The following ACAD11 variants were observed in gnomAD, a reference collection of about 807,000 sequenced individuals.
ACAD11 encodes acyl-CoA dehydrogenase family member 11.
ACAD11 carries 83 observed loss-of-function variants against 102.2 expected under a neutral mutation model. The ratio of observed to expected loss-of-function variants is 0.81; its 90% CI spans 0.68 to 0.97. The LOEUF is 0.97. Ranked by LOEUF, ACAD11 falls within the 50% of genes least tolerant of loss-of-function variation. The pLI, the probability that ACAD11 is intolerant of heterozygous loss-of-function variation, is 0.00. For synonymous variants in ACAD11, 324 were observed against 319.8 expected (o/e 1.01, Z -0.14); for missense variants, 901 against 951.7 (o/e 0.95, Z 0.70).
intron 3 of ACAD11, among the ~76,000 whole-genome samples, chr3:132,642,432 C>T (rs1251071481): frequency 6.6e-6 from 1 of 152,184 alleles, no homozygotes; most frequent in East Asian, 1.9e-4. Flanking sequence ...TCTTTACTGA[C>T]ACCTAGAGGA....
intron 7 of ACAD11, 112 bp downstream of exon 7, chr3:132,630,325 G>C: frequency 8.4e-7 from 1 of 1,185,434 alleles, no homozygotes; most frequent in Non-Finnish European, 1.1e-6. Context: ...CTGTCATTAT[G>C]ATAAGCCAAA....
At chr3:132,640,294 T>C (rs1350353480) in intron 4 of ACAD11, among the ~76,000 whole-genome samples, 4 of 152,142 alleles carry the variant, frequency 2.6e-5, no homozygotes, top group African/African-American at 2.4e-5. Flanking sequence ...TTCACCATAT[T>C]GGTCAAGCTG....
rs114542537 is a variant in ACAD11, at chr3:132,591,679, C to G, written c.1621+11550G>C. ...CTGAAGTGGCAGGATCGCTTGAGCT[C>G]AAGAGTTTGAAACCAGCCCGGGCAA... On this transcript the variant is annotated intron_variant, in intron 13 of 19. Transcript: ENST00000264990. Among the ~76,000 whole-genome samples, 934 of 152,162 alleles carry G rather than the reference C, an allele frequency of 6.1e-3. 13 individuals carry two copies. The highest frequency in any genetic ancestry group is 0.022 in the African/African-American group (902 of 41,508).
chr3:132,561,460 A>G, intron 17 of ACAD11: 2 of 477,048 alleles, frequency 4.2e-6, no homozygotes, highest in Non-Finnish European at 3.9e-6. Flanking sequence ...ATTTTCCCAG[A>G]AAAATCATTT....
At chr3:132,639,702 G>A (rs1417449671) in intron 4 of ACAD11, 46 bp from the exon 5 acceptor site, 1 of 1,549,790 alleles carries the variant, frequency 6.5e-7, no homozygotes, top group Non-Finnish European at 8.8e-7. Flanking sequence ...AAACTGGAAT[G>A]TAGGATCTAG....
Position 132,626,193 on chromosome 3 carries a change from A to T in ACAD11, c.1197+498T>A, listed in dbSNP as rs78299243. ...ATCAAGTACCCAATAATTATTTGGT[A>T]ACTGAATGAATGAATGTTCCATATT... On this transcript the variant is annotated intron_variant, in intron 9 of 19. Coordinates refer to ENST00000264990, the MANE Select transcript of ACAD11 (RefSeq NM_032169.5). Among the ~76,000 whole-genome samples, 1,342 of 152,304 alleles carry T rather than the reference A, an allele frequency of 8.8e-3. 17 individuals carry two copies. The highest frequency in any genetic ancestry group is 0.031 in the African/African-American group (1,290 of 41,554).
intron 5 of ACAD11, among the ~76,000 whole-genome samples, chr3:132,634,619 C>T (rs1178411415): frequency 5.3e-5 from 8 of 152,070 alleles, no homozygotes; most frequent in Middle Eastern, 3.4e-3. Flanking sequence ...ATGTTTATTG[C>T]GGCACTACTC....
chr3:132,639,417 C>A, intron 5 of ACAD11, 75 bp downstream of exon 5: 1 of 1,431,630 alleles, frequency 7.0e-7, no homozygotes, highest in Non-Finnish European at 9.5e-7. Context: ...CCTCAGTGCT[C>A]TGGGGGGAGC....
intron 11 of ACAD11, among the ~76,000 whole-genome samples, chr3:132,617,759 A>G (rs922735984): frequency 1.3e-5 from 2 of 152,180 alleles, no homozygotes; most frequent in African/African-American, 2.4e-5. Context: ...TATTTGCCCT[A>G]TGAAGCTCAA....
intron 13 of ACAD11, among the ~76,000 whole-genome samples, chr3:132,587,256 C>G (rs192354525): frequency 6.6e-6 from 1 of 152,292 alleles, no homozygotes; most frequent in Admixed American, 6.5e-5. Context: ...ATCTCTCCCT[C>G]TTGCCTCTTC....
At chr3:132,585,263 A>G (rs1937760840) in intron 13 of ACAD11, among the ~76,000 whole-genome samples, 2 of 152,244 alleles carry the variant, frequency 1.3e-5, no homozygotes, top group African/African-American at 4.8e-5. Flanking sequence ...CTATTTAATA[A>G]ATGGTGCTGG....
At chr3:132,590,484 T>C (rs1165219491) in intron 13 of ACAD11, among the ~76,000 whole-genome samples, 2 of 152,120 alleles carry the variant, frequency 1.3e-5, no homozygotes, top group African/African-American at 2.4e-5. Context: ...TCGCCTCAAG[T>C]GATCCTCCCG....
intron 19 of ACAD11, 37 bp from the exon 20 acceptor site, chr3:132,559,122 A>G: frequency 1.4e-6 from 2 of 1,398,912 alleles, no homozygotes; most frequent in Non-Finnish European, 2.0e-6. Context: ...ACAGGGAGTT[A>G]TGGAAGAGGA....
intron 11 of ACAD11, among the ~76,000 whole-genome samples, chr3:132,610,354 G>A (rs1023871996): frequency 2.0e-5 from 3 of 151,930 alleles, no homozygotes; most frequent in African/African-American, 7.3e-5. Context: ...CTAGCAGAAG[G>A]CAAGAAATAA....
At chr3:132,629,890 G>GA (rs57789559) in intron 7 of ACAD11, among the ~76,000 whole-genome samples, 17,509 of 151,820 alleles carry the variant, frequency 0.12, 1,526 homozygotes, top group East Asian at 0.53. Context: ...AATGTAATTA[G>GA]AAAAAAACCC....
rs539323613 is a variant in ACAD11, at chr3:132,610,958, G to C, written c.1415-5753C>G. On this transcript the variant is annotated intron_variant, in intron 11 of 19. Transcript: ENST00000264990. ...TAGACCAATATCCTTGATTAACATT[G>C]ATGCAAAAATCCTCAATAAAATACT... Among the ~76,000 whole-genome samples the C allele has an allele frequency of 1.4e-3, 220 of 152,200 alleles. 2 individuals are homozygous for C. Among genetic ancestry groups the C allele is most frequent in the African/African-American group, 4.6e-3 (193 of 41,520 alleles).
chr3:132,633,357 T>C (rs755161140), intron 5 of ACAD11, among the ~76,000 whole-genome samples: 17 of 152,220 alleles, frequency 1.1e-4, no homozygotes, highest in Non-Finnish European at 1.9e-4. Flanking sequence ...TTTGGTTCTG[T>C]TTCTATGCTG....
At chr3:132,576,805 C>T (rs1336087162) in intron 16 of ACAD11, 139 bp downstream of exon 16, 3 of 658,364 alleles carry the variant, frequency 4.6e-6, no homozygotes, top group Non-Finnish European at 7.8e-6. Flanking sequence ...AGTTCAAAAA[C>T]CGCAATAACT....
chr3:132,604,174 A>G (rs1471492709), intron 12 of ACAD11, among the ~76,000 whole-genome samples: 1 of 152,214 alleles, frequency 6.6e-6, no homozygotes, highest in East Asian at 1.9e-4. Flanking sequence ...TATGAGGCCA[A>G]CTGCATTCCA....
Sources: gnomAD v4.1 joint callset for allele counts (sites outside exome capture counted in the v4.1 genomes callset) on GRCh38, gnomAD v4.1.1 for gene constraint, MANE v1.5 for transcripts, NCBI Gene and HGNC (gene_info 2026-07-23, HGNC 2026-07-21) for gene names.